CHST9: variants seen among roughly 807,000 people sequenced by gnomAD.
CHST9 encodes carbohydrate sulfotransferase 9.
Under a neutral mutation model 44.4 loss-of-function variants are expected in CHST9, and 41 were observed. The observed-to-expected ratio is 0.92, with a 90% CI of 0.72 to 1.20. The LOEUF (loss-of-function observed/expected upper bound fraction) is 1.20, where lower values mean the gene tolerates loss of function less well. CHST9 is among the 50% of genes most tolerant of loss of function. The pLI is 0.00. For missense variants in CHST9, 504 were observed against 516.5 expected (o/e 0.98, Z 0.23); for synonymous variants, 171 against 178.4 (o/e 0.96, Z 0.33).
chr18:26,925,257 C>T (rs2055743590), intron 5 of CHST9, among the ~76,000 whole-genome samples: 2 of 151,734 alleles, frequency 1.3e-5, no homozygotes. Flanking sequence ...TGACTTATTT[C>T]CTCTCTCTTG....
chr18:27,148,334 G>A lies in CHST9; in HGVS notation c.-96-5429C>T, dbSNP rs1417323695. On this transcript the variant is annotated intron_variant, in intron 1 of 5. Transcript: ENST00000618847. ...AGGTTTGTTACATATGTACACATGT[G>A]CCATGTTGGTGTGCTGCACCCATTA... Among the ~76,000 whole-genome samples the A allele has an allele frequency of 2.0e-5, 3 of 151,354 alleles. No individual in the cohort carries two copies. In the East Asian group the frequency reaches 5.8e-4, roughly 29 times the overall value.
chr18:27,183,529 G>A (rs1237412685), intron 1 of CHST9, among the ~76,000 whole-genome samples: 2 of 152,042 alleles, frequency 1.3e-5, no homozygotes, highest in Admixed American at 6.6e-5. Flanking sequence ...GTAATGAAGG[G>A]GATAAAAACC....
chr18:27,117,831 A>G (rs578199004), intron 2 of CHST9, among the ~76,000 whole-genome samples: 20 of 152,338 alleles, frequency 1.3e-4, no homozygotes, highest in South Asian at 6.2e-4. Flanking sequence ...AGTTTTGATA[A>G]TTATGAATAA....
intron 4 of CHST9, among the ~76,000 whole-genome samples, chr18:26,956,344 T>TATATACAC (rs1555671803): frequency 7.7e-5 from 11 of 142,144 alleles, no homozygotes; most frequent in African/African-American, 2.7e-4. Context: ...TATATATATA[T>TATATACAC]ACACACACAA....
chr18:27,040,786 T>C (rs552795479), intron 3 of CHST9, among the ~76,000 whole-genome samples: 1 of 152,190 alleles, frequency 6.6e-6, no homozygotes, highest in Non-Finnish European at 1.5e-5. Flanking sequence ...ATGTTTGTGG[T>C]CATTTCTATT....
intron 3 of CHST9, among the ~76,000 whole-genome samples, chr18:27,030,037 G>A (rs931468523): frequency 1.3e-5 from 2 of 152,128 alleles, no homozygotes; most frequent in Admixed American, 1.3e-4. Context: ...TTTCCCATTA[G>A]GTATTAATGA....
At chr18:27,140,267 G>A (rs1598751311) in intron 2 of CHST9, among the ~76,000 whole-genome samples, 2 of 152,168 alleles carry the variant, frequency 1.3e-5, no homozygotes, top group South Asian at 4.2e-4. Flanking sequence ...TTATCCCTCT[G>A]GAGTCTCATT....
intron 2 of CHST9, among the ~76,000 whole-genome samples, chr18:27,092,057 T>A (rs1189156349): frequency 6.6e-6 from 1 of 152,220 alleles, no homozygotes; most frequent in African/African-American, 2.4e-5. Context: ...AGAATTCAGC[T>A]ATGAATCTGT....
At chr18:27,158,575 G>A (rs539258350) in intron 1 of CHST9, among the ~76,000 whole-genome samples, 19 of 152,182 alleles carry the variant, frequency 1.2e-4, no homozygotes, top group African/African-American at 3.4e-4. Flanking sequence ...ATGTGTGCAC[G>A]TGTCTTTATA....
chr18:26,983,505 T>G (rs1208971012), intron 4 of CHST9, among the ~76,000 whole-genome samples: 2 of 152,132 alleles, frequency 1.3e-5, no homozygotes, highest in Admixed American at 6.5e-5. Flanking sequence ...CCTTTTGCCA[T>G]GAAAAACAGC....
intron 2 of CHST9, among the ~76,000 whole-genome samples, chr18:27,126,323 T>G (rs779322613): frequency 5.3e-5 from 8 of 152,194 alleles, no homozygotes; most frequent in Non-Finnish European, 8.8e-5. Flanking sequence ...AACACATATG[T>G]TAGGCACAGG....
rs989894161 is a variant in CHST9 at position 26,911,650 on chromosome 18, C to G, written c.*4609G>C. 6.6e-6 allele frequency: 1 copy of G among 152,154 alleles called. No individual in the cohort carries two copies. Among genetic ancestry groups the G allele is most frequent in the African/African-American group, 2.4e-5 (1 of 41,424 alleles). The allele number at this position is 152,154 out of a possible 1,614,324, so 9.4% of individuals were successfully genotyped here. A position where few individuals can be genotyped will look rare whatever the true frequency, so the allele number is the denominator to read the frequency against. Reference sequence around the variant, plus strand: ...GAGGTTTAGGGATGGAAAAAGATGACTGCTTAAATGGATTTAAATACTTTT... The same window carrying G: ...GAGGTTTAGGGATGGAAAAAGATGAGTGCTTAAATGGATTTAAATACTTTT... On this transcript the variant is annotated 3_prime_UTR_variant, in exon 6 of 6. Transcript: ENST00000618847.
chr18:26,926,712 T>C (rs1324256133), intron 5 of CHST9, among the ~76,000 whole-genome samples: 1 of 152,196 alleles, frequency 6.6e-6, no homozygotes, highest in African/African-American at 2.4e-5. Flanking sequence ...GTTAGCAGAA[T>C]ATCTTGTTTT....
intron 1 of CHST9, among the ~76,000 whole-genome samples, chr18:27,149,474 T>G (rs1302809616): frequency 6.6e-6 from 1 of 152,198 alleles, no homozygotes; most frequent in African/African-American, 2.4e-5. Context: ...TCCATGTCTT[T>G]GCTATTGTGA....
chr18:27,074,471 G>A (rs1262515921), intron 2 of CHST9, among the ~76,000 whole-genome samples: 1 of 152,138 alleles, frequency 6.6e-6, no homozygotes, highest in Admixed American at 6.5e-5. Flanking sequence ...AAAGGTTTGT[G>A]TGTTTATAGA....
Position 26,908,081 on chromosome 18 carries a change from G to T in CHST9, c.*8178C>A. 1 of 152,888 alleles carries T rather than the reference G, an allele frequency of 6.5e-6. No homozygotes were observed. Among genetic ancestry groups the T allele is most frequent in the East Asian group, 1.9e-4 (1 of 5,236 alleles). 9.5% of individuals were successfully genotyped at this position (152,888 alleles called of 1,614,324 possible). ...GAAGGAAGGTATGTGATGGGATAGTGGTGATGCTTGCACAACTACACTAAA... is the reference window on the plus strand; with the variant it reads ...GAAGGAAGGTATGTGATGGGATAGTTGTGATGCTTGCACAACTACACTAAA... On this transcript the variant is annotated 3_prime_UTR_variant, in exon 6 of 6. Transcript: ENST00000618847.
At chr18:27,019,552 G>C (rs571274550) in intron 4 of CHST9, among the ~76,000 whole-genome samples, 52 of 150,138 alleles carry the variant, frequency 3.5e-4, no homozygotes, top group African/African-American at 1.3e-3. Flanking sequence ...AAAGGAGTCA[G>C]AGTCAGAAGA....
At chr18:26,998,739 C>CAACA (rs759922767) in intron 4 of CHST9, among the ~76,000 whole-genome samples, 2 of 114,132 alleles carry the variant, frequency 1.8e-5, no homozygotes, top group East Asian at 2.5e-4. Context: ...ACAACAACAA[C>CAACA]AAAAAAAAAA....
intron 4 of CHST9, among the ~76,000 whole-genome samples, chr18:26,975,649 G>GTATATATATATATATATATATATA (rs36030325): frequency 2.4e-5 from 3 of 126,920 alleles, no homozygotes; most frequent in African/African-American, 8.9e-5. Context: ...ATGTATGTGT[G>GTATATATATATATATATATATATA]TATATATATA....
Sources: gnomAD v4.1 joint callset for allele counts (sites outside exome capture counted in the v4.1 genomes callset) on GRCh38, gnomAD v4.1.1 for gene constraint, MANE v1.5 for transcripts, NCBI Gene and HGNC (gene_info 2026-07-23, HGNC 2026-07-21) for gene names.